UBE2V1: variants seen among roughly 807,000 people sequenced by gnomAD.
UBE2V1 encodes ubiquitin-conjugating enzyme E2 variant 1.
In UBE2V1, 15 loss-of-function variants were observed where a neutral mutation model predicts 19.6. That is an observed-to-expected ratio of 0.77 (90% CI 0.51 to 1.18). The LOEUF is 1.18. Ranked by LOEUF, UBE2V1 falls within the 50% of genes most tolerant of loss-of-function variation. UBE2V1 has a pLI of 0.00. For synonymous variants in UBE2V1, 60 were observed against 60.7 expected, an observed-to-expected ratio of 0.99 and a Z score of 0.05; for missense variants, 125 against 184.8, an observed-to-expected ratio of 0.68 and a Z score of 1.88.
intron 1 of UBE2V1, among the ~76,000 whole-genome samples, chr20:50,109,835 G>A (rs975913403): frequency 2.0e-5 from 3 of 151,638 alleles, no homozygotes; most frequent in Non-Finnish European, 2.9e-5. Context: ...TTCTTTGGCT[G>A]AGCACAATAT....
chr20:50,107,965 C>T (rs1245587626), intron 1 of UBE2V1, among the ~76,000 whole-genome samples: 4 of 152,200 alleles, frequency 2.6e-5, no homozygotes, highest in Non-Finnish European at 4.4e-5. Flanking sequence ...ACCTGAAGAA[C>T]AGCAGTCAGG....
intron 1 of UBE2V1, chr20:50,098,990 T>G: frequency 1.0e-6 from 1 of 985,204 alleles, no homozygotes; most frequent in Non-Finnish European, 1.2e-6. Flanking sequence ...AACTGAAAGA[T>G]AGTGGTGACA....
At chr20:50,089,695 C>A (rs542607883) in intron 2 of UBE2V1, among the ~76,000 whole-genome samples, 1 of 152,210 alleles carries the variant, frequency 6.6e-6, no homozygotes, top group African/African-American at 2.4e-5. Context: ...CTCTTCCCAC[C>A]ATTCATGGTA....
intron 1 of UBE2V1, chr20:50,098,809 T>C (rs190525445): frequency 5.9e-5 from 33 of 556,212 alleles, no homozygotes; most frequent in Admixed American, 1.3e-4. Context: ...AAAGAGTCAG[T>C]TGATTACAAG....
At chr20:50,102,274 A>C (rs2080049360) in intron 1 of UBE2V1, among the ~76,000 whole-genome samples, 2 of 152,236 alleles carry the variant, frequency 1.3e-5, no homozygotes, top group African/African-American at 4.8e-5. Flanking sequence ...ACAACAAAAA[A>C]CAAAAAAACT....
At chr20:50,094,753 G>A (rs892039868) in intron 2 of UBE2V1, among the ~76,000 whole-genome samples, 20 of 152,154 alleles carry the variant, frequency 1.3e-4, no homozygotes, top group African/African-American at 4.8e-4. Flanking sequence ...AATGGGGGGT[G>A]CCTACCGATG....
intron 2 of UBE2V1, among the ~76,000 whole-genome samples, chr20:50,093,987 CAAAAAA>C (rs60174191): frequency 0.012 from 667 of 56,126 alleles, 2 homozygotes; most frequent in African/African-American, 0.041. Flanking sequence ...GACTCCAACT[CAAAAAA>C]AAAAAAAAAA....
upstream of UBE2V1, chr20:50,115,443 C>G (rs377652947): frequency 3.1e-5 from 46 of 1,489,164 alleles, no homozygotes; most frequent in Admixed American, 1.2e-4. Context: ...TGTAAAGCAT[C>G]AGTAGCAAGT....
In UBE2V1 at chr20:50,099,081, C is replaced by T. The variant is rs6020260; in HGVS notation, c.23-2261G>A. 3.3e-3 allele frequency: 2,185 copies of T among 654,394 alleles called. 38 individuals are homozygous for T. The African/African-American group carries it at 0.039, about 12-fold the overall frequency. 40.5% of individuals were successfully genotyped at this position (654,394 alleles called of 1,614,324 possible). On this transcript the variant is annotated intron_variant, in intron 1 of 3. Transcript: ENST00000371674. ...TCTTTAATAATCCTAATTAGGCTAG[C>T]GGGGGAAAAGTCACTACATTACTAC...
intron 2 of UBE2V1, 138 bp from the exon 3 acceptor site, chr20:50,084,392 A>C: frequency 6.6e-7 from 1 of 1,520,478 alleles, no homozygotes; most frequent in East Asian, 2.3e-5. Context: ...GTTCTGTGGT[A>C]GGTCAGCAGT....
chr20:50,111,499 ATCTC>A lies in UBE2V1; in HGVS notation c.22+1604_22+1607del, dbSNP rs1383161562. 3 of 1,000,204 alleles carry A rather than the reference ATCTC, an allele frequency of 3.0e-6. No individual in the cohort carries two copies. In the African/African-American group the frequency reaches 5.2e-5, roughly 17 times the overall value. 62.0% of individuals were successfully genotyped at this position (1,000,204 alleles called of 1,614,324 possible). ...ACCCAGCAGTCTGGCCTGACTCAGAATCTCTCTTCTGGGAGTGCCTGGGGCAGCG... is the reference window on the plus strand; with the variant it reads ...ACCCAGCAGTCTGGCCTGACTCAGAATCTTCTGGGAGTGCCTGGGGCAGCG... On this transcript the variant is annotated intron_variant, in intron 1 of 3. Coordinates refer to ENST00000371674, the MANE Select transcript of UBE2V1 (RefSeq NM_001032288.3).
chr20:50,086,947 G>A (rs1282488860), intron 2 of UBE2V1, among the ~76,000 whole-genome samples: 1 of 152,106 alleles, frequency 6.6e-6, no homozygotes, highest in African/African-American at 2.4e-5. Flanking sequence ...TGTGGTTGTG[G>A]GCGCCTATAG....
upstream of UBE2V1, among the ~76,000 whole-genome samples, chr20:50,113,678 C>A (rs989057576): frequency 3.3e-5 from 5 of 152,172 alleles, no homozygotes; most frequent in African/African-American, 1.2e-4. Context: ...GATTGATGCT[C>A]CCCGGCCAGA....
intron 2 of UBE2V1, among the ~76,000 whole-genome samples, chr20:50,090,149 C>T (rs189569163): frequency 6.6e-6 from 1 of 152,168 alleles, no homozygotes; most frequent in Non-Finnish European, 1.5e-5. Flanking sequence ...ATTTTTTAGT[C>T]CAACATCTAT....
At chr20:50,098,382 T>C (rs1223622569) in intron 1 of UBE2V1, among the ~76,000 whole-genome samples, 1 of 152,034 alleles carries the variant, frequency 6.6e-6, no homozygotes, top group Admixed American at 6.6e-5. Flanking sequence ...TTTAATAGGA[T>C]CCCTCAGACT....
At chr20:50,115,162 G>A (rs567354053), upstream of UBE2V1, 7 of 237,390 alleles carry the variant, frequency 2.9e-5, no homozygotes, top group East Asian at 8.5e-5. Context: ...CCTCTGCGGC[G>A]ACACTGGCCC....
intron 2 of UBE2V1, among the ~76,000 whole-genome samples, chr20:50,094,212 T>TAC (rs1466291183): frequency 7.7e-6 from 1 of 130,098 alleles, no homozygotes; most frequent in Non-Finnish European, 1.6e-5. Context: ...ATATATAATA[T>TAC]ATAACATATG....
chr20:50,081,137 CA>C lies in UBE2V1; in HGVS notation c.*1630del, dbSNP rs2078625990. 1 of 147,968 alleles carries C rather than the reference CA, an allele frequency of 6.8e-6. No homozygotes were observed. The highest frequency in any genetic ancestry group is 1.5e-5 in the Non-Finnish European group (1 of 67,526). The allele number at this position is 147,968 out of a possible 1,614,324, so 9.2% of individuals were successfully genotyped here. On this transcript the variant is annotated 3_prime_UTR_variant, in exon 4 of 4. Transcript: ENST00000371674. ...AAGTACAGCCTGTTAAATATTAACGCACACTTTTTTTTTATTATATTAAAAT... is the reference window on the plus strand; with the variant it reads ...AAGTACAGCCTGTTAAATATTAACGCCACTTTTTTTTTATTATATTAAAAT...
At chr20:50,096,593 G>A (rs938200318) in intron 2 of UBE2V1, 79 bp downstream of exon 2, 66 of 1,604,992 alleles carry the variant, frequency 4.1e-5, no homozygotes, top group Middle Eastern at 1.7e-4. Context: ...CTTTTTTTCC[G>A]TGATAAGGCT....
Sources: allele counts gnomAD v4.1 joint callset (sites outside exome capture counted in the v4.1 genomes callset), GRCh38; gene constraint gnomAD v4.1.1; transcripts MANE v1.5; gene names NCBI Gene and HGNC (gene_info 2026-07-23, HGNC 2026-07-21).